Variants in RERE observed in about 807,000 individuals in gnomAD.
RERE encodes the protein arginine-glutamic acid dipeptide repeats protein.
In RERE, 40 loss-of-function variants were observed where a neutral mutation model predicts 146.1. The ratio of observed to expected loss-of-function variants is 0.27; its 90% confidence interval spans 0.21 to 0.36. The LOEUF (loss-of-function observed/expected upper bound fraction) is 0.36. Ranked by LOEUF, RERE falls within the 10% of genes least tolerant of loss-of-function variation. RERE has a pLI of 1.00. For missense variants in RERE, 1,933 were observed against 2,138.7 expected (o/e 0.90, Z 1.90); for synonymous variants, 1,003 against 866.0 (o/e 1.16, Z -2.78).
At chr1:8,401,052 T>TATATAC (rs1459265856) in intron 12 of RERE, among the ~76,000 whole-genome samples, 3 of 110,846 alleles carry the variant, frequency 2.7e-5, no homozygotes, top group Non-Finnish European at 5.6e-5. Context: ...TATATATATA[T>TATATAC]ATATATATAT....
intron 11 of RERE, among the ~76,000 whole-genome samples, chr1:8,443,547 G>A (rs531324940): frequency 6.6e-5 from 10 of 151,190 alleles, no homozygotes; most frequent in Non-Finnish European, 1.2e-4. Context: ...AGAGATATTT[G>A]TGTAACTAAA....
chr1:8,668,535 A>T (rs924472552), intron 1 of RERE, among the ~76,000 whole-genome samples: 2 of 152,256 alleles, frequency 1.3e-5, no homozygotes, highest in Non-Finnish European at 2.9e-5. Context: ...GCATGGCTGT[A>T]AACAGAAAAC....
chr1:8,482,110 C>T (rs1268232018), intron 10 of RERE, among the ~76,000 whole-genome samples: 1 of 152,000 alleles, frequency 6.6e-6, no homozygotes, highest in Non-Finnish European at 1.5e-5. Flanking sequence ...TTATATGATG[C>T]CATTTATATG....
chr1:8,531,007 T>A (rs945200756), intron 7 of RERE, among the ~76,000 whole-genome samples: 2 of 140,238 alleles, frequency 1.4e-5, no homozygotes, highest in Non-Finnish European at 3.1e-5. Flanking sequence ...GAACTGAGTT[T>A]TCTATCTATC....
chr1:8,633,468 CACACACACAA>C (rs1225142327), intron 2 of RERE, among the ~76,000 whole-genome samples: 1 of 152,134 alleles, frequency 6.6e-6, no homozygotes, highest in Non-Finnish European at 1.5e-5. Flanking sequence ...CACACACACA[CACACACACAA>C]AAATGTACTT....
intron 12 of RERE, among the ~76,000 whole-genome samples, chr1:8,383,615 C>A (rs1489186935): frequency 6.6e-6 from 1 of 152,126 alleles, no homozygotes; most frequent in African/African-American, 2.4e-5. Flanking sequence ...AATCCCAGCA[C>A]TTTGGGAGGC....
intron 1 of RERE, among the ~76,000 whole-genome samples, chr1:8,736,203 T>C (rs1165269913): frequency 6.6e-6 from 1 of 151,978 alleles, no homozygotes; most frequent in African/African-American, 2.4e-5. Context: ...GTTTGTTTGT[T>C]TGTTTGTTTG....
At chr1:8,694,171 A>G (rs975632524) in intron 1 of RERE, among the ~76,000 whole-genome samples, 1 of 152,184 alleles carries the variant, frequency 6.6e-6, no homozygotes, top group African/African-American at 2.4e-5. Flanking sequence ...CCAAACAGGA[A>G]AAGAAGAAGT....
intron 1 of RERE, among the ~76,000 whole-genome samples, chr1:8,772,713 G>C (rs1640976587): frequency 6.6e-6 from 1 of 152,180 alleles, no homozygotes; most frequent in African/African-American, 2.4e-5. Flanking sequence ...CCGGAAGGTA[G>C]AGGTTGCAGT....
chr1:8,738,282 T>C (rs1054289968), intron 1 of RERE, among the ~76,000 whole-genome samples: 28 of 152,096 alleles, frequency 1.8e-4, no homozygotes, highest in African/African-American at 6.5e-4. Context: ...TTGTTGTTGT[T>C]CTTTTTTTTT....
At chr1:8,796,357 C>T (rs1016847776) in intron 1 of RERE, among the ~76,000 whole-genome samples, 3 of 152,062 alleles carry the variant, frequency 2.0e-5, no homozygotes, top group African/African-American at 7.2e-5. Flanking sequence ...GGCCACTGAC[C>T]CAAGTGTCAG....
At chr1:8,689,461 G>A (rs1639160314) in intron 1 of RERE, among the ~76,000 whole-genome samples, 5 of 152,062 alleles carry the variant, frequency 3.3e-5, no homozygotes, top group Admixed American at 3.3e-4. Flanking sequence ...AAAAATGAAA[G>A]GATACAATAT....
chr1:8,492,820 G>C (rs944281846), intron 10 of RERE, among the ~76,000 whole-genome samples: 5 of 152,228 alleles, frequency 3.3e-5, no homozygotes, highest in Admixed American at 1.3e-4. Flanking sequence ...TAAGGTGGGA[G>C]AAAAGCTTGA....
Position 8,364,878 on chromosome 1 carries a change from C to A in RERE, c.1448-40G>T. On this transcript the variant is annotated intron_variant, in intron 13 of 22. Coordinates refer to ENST00000400908, the MANE Select transcript of RERE (RefSeq NM_001042681.2). The surrounding 1 kb of genome is among the most constrained non-coding windows in gnomAD (Gnocchi z 5.1). The stretch of plus-strand genomic sequence containing the variant: ...CACATAGTGGGGGTGGGGGAGACAC[C>A]ATCATGCTCAGCCAAGGCTGGGCCG... 1 of 1,152,870 alleles carries A rather than the reference C, an allele frequency of 8.7e-7. No individual in the cohort carries two copies. Among genetic ancestry groups the A allele is most frequent in the South Asian group, 1.2e-5 (1 of 80,298 alleles). 71.4% of individuals were successfully genotyped at this position (1,152,870 alleles called of 1,614,324 possible).
At chr1:8,530,425 G>A (rs949346907) in intron 7 of RERE, among the ~76,000 whole-genome samples, 2 of 152,050 alleles carry the variant, frequency 1.3e-5, no homozygotes, top group Non-Finnish European at 2.9e-5. Context: ...TTATCTTAAA[G>A]AATTTCCTAC....
chr1:8,744,389 A>AG (rs1450623565), intron 1 of RERE, among the ~76,000 whole-genome samples: 1 of 152,256 alleles, frequency 6.6e-6, no homozygotes, highest in Admixed American at 6.5e-5. Context: ...CACTAACCAC[A>AG]GGGAGAATTC....
intron 7 of RERE, among the ~76,000 whole-genome samples, chr1:8,527,361 A>C (rs538928498): frequency 9.8e-5 from 15 of 152,316 alleles, no homozygotes; most frequent in Admixed American, 8.5e-4. Flanking sequence ...TCTAAACACA[A>C]AAGCAATGGA....
intron 2 of RERE, among the ~76,000 whole-genome samples, chr1:8,630,850 T>C (rs1224374125): frequency 6.6e-6 from 1 of 152,244 alleles, no homozygotes; most frequent in African/African-American, 2.4e-5. Flanking sequence ...TCAACTGTTA[T>C]CAAAATCAGC....
Position 8,556,560 on chromosome 1 carries a change from C to G in RERE, c.640G>C (p.Glu214Gln). The stretch of plus-strand genomic sequence containing the variant: ...ATAACTGGGTCTGTAATGACAAGTT[C>G]TCTTCCAGAGTCTGTCAAAAAATTA... ...DRHNENDSGR[E>Q]LVITDPVIKN... Residue 214 changes from glutamate (E) to glutamine (Q), a missense_variant, in exon 6 of 23, where the codon GAA becomes CAA. Coordinates refer to ENST00000400908, the MANE Select transcript of RERE (RefSeq NM_001042681.2). The G allele has an allele frequency of 6.2e-7, 1 of 1,600,598 alleles. No homozygotes were observed. The highest frequency in any genetic ancestry group is 8.6e-7 in the Non-Finnish European group (1 of 1,167,748).
Sources: gnomAD v4.1 joint callset for allele counts (sites outside exome capture counted in the v4.1 genomes callset) on GRCh38, gnomAD v4.1.1 for gene constraint, Gnocchi (gnomAD v3.1) non-coding constraint, MANE v1.5 for transcripts, NCBI Gene and HGNC (gene_info 2026-07-23, HGNC 2026-07-21) for gene names.